ATF7IP2: variants seen among roughly 807,000 people sequenced by gnomAD.
ATF7IP2 encodes activating transcription factor 7 interacting protein 2, also known as activating transcription factor 7-interacting protein 2.
Under a neutral mutation model 64.2 loss-of-function variants are expected in ATF7IP2, and 42 were observed. That is an observed-to-expected ratio of 0.65 (90% CI 0.51 to 0.85). The LOEUF (loss-of-function observed/expected upper bound fraction) is 0.85, where lower values mean the gene tolerates loss of function less well. ATF7IP2 is among the 40% of genes least tolerant of loss of function. The pLI is 0.00. For synonymous variants in ATF7IP2, 308 were observed against 272.8 expected (o/e 1.13, Z -1.27); for missense variants, 933 against 784.2 (o/e 1.19, Z -2.27).
intron 9 of ATF7IP2, among the ~76,000 whole-genome samples, chr16:10,464,910 A>G (rs2049508392): frequency 6.6e-6 from 1 of 152,066 alleles, no homozygotes; most frequent in South Asian, 2.1e-4. Context: ...GCTCACTGCA[A>G]CCTTTCCCCT....
At chr16:10,480,830 T>C (rs1028798057) in intron 12 of ATF7IP2, 49 bp from the exon 13 acceptor site, 30 of 1,231,514 alleles carry the variant, frequency 2.4e-5, no homozygotes, top group African/African-American at 7.4e-5. Flanking sequence ...GGCTATGGAA[T>C]TGATTATTGC....
chr16:10,386,280 G>C (rs1329302423), intron 1 of ATF7IP2, 158 bp downstream of exon 1: 1 of 152,252 alleles, frequency 6.6e-6, no homozygotes, highest in Admixed American at 6.5e-5. Flanking sequence ...AAAAGCGTCC[G>C]CGGGGCCGTC....
intron 9 of ATF7IP2, among the ~76,000 whole-genome samples, chr16:10,462,759 A>G (rs901592854): frequency 2.0e-5 from 3 of 152,032 alleles, no homozygotes; most frequent in African/African-American, 7.2e-5. Context: ...TCTTGGGAAA[A>G]TTCTTGACAT....
intron 7 of ATF7IP2, 84 bp downstream of exon 7, chr16:10,438,319 A>C: frequency 3.4e-5 from 47 of 1,373,448 alleles, no homozygotes; most frequent in Non-Finnish European, 4.1e-5. Flanking sequence ...ACGGTGGCTC[A>C]CTGCAGCCTC....
chr16:10,459,558 A>G (rs1231820691), intron 9 of ATF7IP2, among the ~76,000 whole-genome samples: 2 of 151,998 alleles, frequency 1.3e-5, no homozygotes, highest in African/African-American at 4.8e-5. Context: ...GACACAGGAG[A>G]ATTGCTTGAA....
Position 10,483,086 on chromosome 16 carries a change from T to A in ATF7IP2, c.*837T>A, listed in dbSNP as rs2050295353. The A allele has an allele frequency of 6.6e-6, 1 of 152,258 alleles. No homozygotes were observed. 9.4% of individuals were successfully genotyped at this position (152,258 alleles called of 1,614,324 possible). A position where few individuals can be genotyped will look rare whatever the true frequency, so the allele number is the denominator to read the frequency against. On this transcript the variant is annotated 3_prime_UTR_variant, in exon 14 of 14. Transcript: ENST00000562102. ...TTCAGCTTCTAAGTGGGCTATTCAT[T>A]TGTGCTCTCCTCTTTTTTGTTTTGT...
At chr16:10,457,329 G>T in intron 8 of ATF7IP2, 43 bp from the exon 9 acceptor site, 1 of 1,536,412 alleles carries the variant, frequency 6.5e-7, no homozygotes, top group Non-Finnish European at 8.8e-7. Flanking sequence ...GGATACAATT[G>T]GTAAAATTCC....
At chr16:10,458,467 T>C (rs2049257133) in intron 9 of ATF7IP2, among the ~76,000 whole-genome samples, 1 of 152,230 alleles carries the variant, frequency 6.6e-6, no homozygotes, top group Non-Finnish European at 1.5e-5. Flanking sequence ...TTTGTGTCTT[T>C]TATATGAACA....
intron 12 of ATF7IP2, among the ~76,000 whole-genome samples, 182 bp downstream of exon 12, chr16:10,474,171 T>C (rs1183354876): frequency 1.3e-5 from 2 of 152,214 alleles, no homozygotes; most frequent in African/African-American, 4.8e-5. Flanking sequence ...AGCTCCTTCA[T>C]GCTACCCCTT....
intron 9 of ATF7IP2, among the ~76,000 whole-genome samples, chr16:10,465,115 C>G (rs2049517353): frequency 6.6e-6 from 1 of 152,182 alleles, no homozygotes; most frequent in Non-Finnish European, 1.5e-5. Flanking sequence ...CAGGCGTGAG[C>G]CACCACGCCT....
chr16:10,408,014 C>T (rs371796142), intron 1 of ATF7IP2, among the ~76,000 whole-genome samples: 4 of 151,960 alleles, frequency 2.6e-5, no homozygotes, highest in South Asian at 4.2e-4. Flanking sequence ...TGGGTTCAAG[C>T]GATTCTCCAG....
At chr16:10,410,112 G>A (rs760005352) in intron 1 of ATF7IP2, among the ~76,000 whole-genome samples, 1 of 152,132 alleles carries the variant, frequency 6.6e-6, no homozygotes, top group Admixed American at 6.6e-5. Context: ...TTGTGAAGAA[G>A]ATGGTGGTAT....
chr16:10,452,671 C>T (rs2049024116), intron 8 of ATF7IP2, among the ~76,000 whole-genome samples: 1 of 152,156 alleles, frequency 6.6e-6, no homozygotes, highest in African/African-American at 2.4e-5. Flanking sequence ...TCTTCAGAGT[C>T]CTGTCCGGCA....
chr16:10,428,932 G>A lies in ATF7IP2; in HGVS notation c.-95G>A, dbSNP rs1411204693. The A allele has an allele frequency of 6.6e-6, 1 of 151,508 alleles. No homozygotes were observed. Among genetic ancestry groups the A allele is most frequent in the East Asian group, 1.9e-4 (1 of 5,160 alleles). The allele number at this position is 151,508 out of a possible 1,614,324, so 9.4% of individuals were successfully genotyped here. A position where few individuals can be genotyped will look rare whatever the true frequency, so the allele number is the denominator to read the frequency against. The stretch of plus-strand genomic sequence containing the variant: ...TCTGTCACCCTTGCTGGAGTGCAGT[G>A]GTGCAATCACAGATCACGGCAGTGT... On this transcript the variant is annotated 5_prime_UTR_variant, in exon 4 of 14. Coordinates refer to ENST00000562102, the MANE Select transcript of ATF7IP2 (RefSeq NM_001393719.1).
At chr16:10,407,024 C>A (rs751352446) in intron 1 of ATF7IP2, among the ~76,000 whole-genome samples, 5 of 152,034 alleles carry the variant, frequency 3.3e-5, no homozygotes, top group Non-Finnish European at 5.9e-5. Context: ...TTTAACAGTG[C>A]ATGAAGAAGA....
intron 12 of ATF7IP2, among the ~76,000 whole-genome samples, chr16:10,475,552 G>A (rs1398528427): frequency 5.9e-5 from 9 of 151,708 alleles, no homozygotes; most frequent in African/African-American, 2.2e-4. Context: ...AATTAGCCGG[G>A]TGTGGTGGCG....
intron 9 of ATF7IP2, among the ~76,000 whole-genome samples, chr16:10,461,733 T>C (rs778502332): frequency 6.6e-6 from 1 of 152,174 alleles, no homozygotes; most frequent in African/African-American, 2.4e-5. Flanking sequence ...TGAGGAAGTT[T>C]ATGATATAGG....
intron 1 of ATF7IP2, among the ~76,000 whole-genome samples, chr16:10,407,917 C>CT (rs35727703): frequency 9.2e-4 from 133 of 144,610 alleles, no homozygotes; most frequent in East Asian, 2.6e-3. Flanking sequence ...TTCTTTCTTT[C>CT]TTTTTTTTTT....
chr16:10,412,327 C>A (rs1262687691), intron 1 of ATF7IP2, among the ~76,000 whole-genome samples: 1 of 152,064 alleles, frequency 6.6e-6, no homozygotes, highest in African/African-American at 2.4e-5. Context: ...TATGAACTTT[C>A]CTCCTAGCCC....
Sources: gnomAD v4.1 joint callset for allele counts (sites outside exome capture counted in the v4.1 genomes callset) on GRCh38, gnomAD v4.1.1 for gene constraint, MANE v1.5 for transcripts, NCBI Gene and HGNC (gene_info 2026-07-23, HGNC 2026-07-21) for gene names.